Variants in CFAP65 observed in about 807,000 individuals in gnomAD.
CFAP65 encodes cilia and flagella associated protein 65.
A neutral mutation model predicts 208.0 loss-of-function variants in CFAP65; 155 were observed. The observed-to-expected ratio is 0.75, with a 90% CI of 0.65 to 0.85. The LOEUF (loss-of-function observed/expected upper bound fraction) is 0.85. Ranked by LOEUF, CFAP65 falls within the 40% of genes least tolerant of loss-of-function variation. The probability of loss-of-function intolerance (pLI) is 0.00; values close to 1 mark genes in which losing one functional copy is unlikely to be tolerated. For synonymous variants in CFAP65, 970 were observed against 986.3 expected (o/e 0.98, Z 0.31); for missense variants, 2,294 against 2,451.3 (o/e 0.94, Z 1.36).
Position 219,032,573 on chromosome 2 carries a change from C to T in CFAP65, c.543-1G>A, listed in dbSNP as rs1310062391. 6.3e-7 allele frequency: 1 copy of T among 1,592,886 alleles called. No individual in the cohort carries two copies. Among genetic ancestry groups the T allele is most frequent in the South Asian group, 1.1e-5 (1 of 87,436 alleles). On this transcript the variant is annotated splice_acceptor_variant, in intron 5 of 34. Transcript: ENST00000341552. LOFTEE classifies it high-confidence loss of function. This position sits in a 1 kb window ranked among gnomAD's most constrained non-coding sequence, Gnocchi z 5.5. ...GAAGAAGAACTTGGTCTTGGGGGGCCTGCAGGAGAGAGCCGGTGGGGAGCA... is the reference window on the plus strand; with the variant it reads ...GAAGAAGAACTTGGTCTTGGGGGGCTTGCAGGAGAGAGCCGGTGGGGAGCA...
Position 219,041,470 on chromosome 2 carries a change from C to CTAA in CFAP65, c.-49+15_-49+17dup, listed in dbSNP as rs1336438429. On this transcript the variant is annotated intron_variant, in intron 1 of 34. Transcript: ENST00000341552. The stretch of plus-strand genomic sequence containing the variant: ...TCCCTGAGACCCTGGGACCTTGGGA[C>CTAA]TAACGCTCAGAACTTACATCGCCTC... 4 of 1,550,438 alleles carry CTAA rather than the reference C, an allele frequency of 2.6e-6. No individual in the cohort carries two copies. The highest frequency in any genetic ancestry group is 3.5e-6 in the Non-Finnish European group (4 of 1,146,986).
Position 219,027,964 on chromosome 2 carries a change from TG to T in CFAP65, c.1896del (p.Met633Ter). 15 of 1,515,696 alleles carry T rather than the reference TG, an allele frequency of 9.9e-6. No individual in the cohort carries two copies. The highest frequency in any genetic ancestry group is 2.3e-5 in the East Asian group (1 of 43,784). The allele number at this position is 1,515,696 out of a possible 1,614,324, so 93.9% of individuals were successfully genotyped here. A position where few individuals can be genotyped will look rare whatever the true frequency, so the allele number is the denominator to read the frequency against. On this transcript the variant is annotated frameshift_variant, in exon 13 of 35. Transcript: ENST00000341552. LOFTEE classifies it high-confidence loss of function. ...GTGCCGTCGAAGAAGAACTCGGTCA[TG>T]GGGGGGATATAAGGGTACTGCGGGG... ...MPAPQYPYIP[P>X]MTEFFFDGTS...
chr2:219,005,613 G>T, intron 31 of CFAP65, 51 bp from the exon 32 acceptor site: 1 of 1,603,740 alleles, frequency 6.2e-7, no homozygotes, highest in Non-Finnish European at 8.5e-7. Flanking sequence ...CCATGCTGGG[G>T]TTGGGGGCAC....
At position 219,028,411 on chromosome 2, in the gene CFAP65, TTGTC is replaced by T. The variant is rs762047671; in HGVS notation, c.1651-14_1651-11del. 2.5e-6 allele frequency: 4 copies of T among 1,611,778 alleles called. No individual in the cohort carries two copies. The highest frequency in any genetic ancestry group is 2.7e-5 in the African/African-American group (2 of 74,612). ...CCAGGAACAGTGGGTCCTGTGACAT[TTGTC>T]TGTGTGTGGTGGGGCATGGGAGGGG... is the stretch of plus-strand genomic sequence containing the variant. On this transcript the variant is annotated splice_polypyrimidine_tract_variant and intron_variant, in intron 11 of 34. Transcript: ENST00000341552.
At chr2:219,040,012 T>TTTTTTTTATTTATTTA (rs1223046438) in intron 2 of CFAP65, among the ~76,000 whole-genome samples, 3 of 148,968 alleles carry the variant, frequency 2.0e-5, no homozygotes, top group African/African-American at 7.4e-5. Context: ...CTTAGAGGGA[T>TTTTTTTTATTTATTTA]TTTATTTATT....
At chr2:219,014,141 A>T in intron 21 of CFAP65, 97 bp from the exon 22 acceptor site, 1 of 1,100,828 alleles carries the variant, frequency 9.1e-7, no homozygotes, top group Non-Finnish European at 1.3e-6. Flanking sequence ...GGCTTCTTCC[A>T]TGACTCCCGC....
intron 29 of CFAP65, among the ~76,000 whole-genome samples, chr2:219,007,922 G>A (rs1163139181): frequency 1.3e-5 from 2 of 151,674 alleles, no homozygotes; most frequent in Non-Finnish European, 2.9e-5. Context: ...GGGTTCAAGC[G>A]ATTCTCATGC....
intron 21 of CFAP65, among the ~76,000 whole-genome samples, chr2:219,017,748 C>G (rs1947002898): frequency 6.6e-6 from 1 of 152,214 alleles, no homozygotes. Context: ...TGCCAGGACA[C>G]AGGCCAACAC....
Position 219,026,163 on chromosome 2 carries a change from C to A in CFAP65, c.2212-4G>T. 1 of 1,609,256 alleles carries A rather than the reference C, an allele frequency of 6.2e-7. No individual in the cohort carries two copies. The highest frequency in any genetic ancestry group is 1.1e-5 in the South Asian group (1 of 90,934). Reference sequence around the variant, plus strand: ...TATTACTGTAGCTCTGCAGGACCTGCAGAGGGGCCAGACCCACGGAAAAGC... The same window carrying A: ...TATTACTGTAGCTCTGCAGGACCTGAAGAGGGGCCAGACCCACGGAAAAGC... On this transcript the variant is annotated splice_region_variant and splice_polypyrimidine_tract_variant and intron_variant, in intron 13 of 34. Transcript: ENST00000341552.
Position 219,021,164 on chromosome 2 carries a change from G to A in CFAP65, c.3247C>T (p.Leu1083Phe), listed in dbSNP as rs1258262207. The change falls in exon 19 of 35, where the codon CTT becomes TTT. Residue 1083 changes from leucine (L) to phenylalanine (F), a missense_variant. Coordinates refer to ENST00000341552, the MANE Select transcript of CFAP65 (RefSeq NM_194302.4). The stretch of plus-strand genomic sequence containing the variant: ...GCAGTCTAGGTACCTCTGTGGGAAA[G>A]GAGAGAGTAGGTGATGGTCCAGGAG... ...QYSWTITYSL[L>F]SHRDNKAGEK... 1.3e-6 allele frequency: 2 copies of A among 1,573,170 alleles called. No individual in the cohort carries two copies. The highest frequency in any genetic ancestry group is 1.7e-6 in the Non-Finnish European group (2 of 1,158,672).
At chr2:219,006,330 C>T (rs558559491) in intron 30 of CFAP65, 107 bp from the exon 31 acceptor site, 18 of 1,461,054 alleles carry the variant, frequency 1.2e-5, no homozygotes, top group African/African-American at 8.4e-5. Context: ...GCCACATAAG[C>T]GTGTGACCCC....
intron 5 of CFAP65, chr2:219,035,054 AT>A: frequency 3.0e-6 from 1 of 333,092 alleles, no homozygotes; most frequent in South Asian, 4.7e-5. Flanking sequence ...AGGTGGTGGA[AT>A]AGAAGGTTCC....
chr2:219,025,907 G>A (rs1329945680), intron 14 of CFAP65, 115 bp downstream of exon 14: 6 of 1,322,266 alleles, frequency 4.5e-6, no homozygotes. Context: ...GACAGCCAGG[G>A]AGGGTGCAAA....
intron 5 of CFAP65, chr2:219,035,165 C>T (rs1948278325): frequency 3.1e-6 from 2 of 641,514 alleles, no homozygotes; most frequent in Non-Finnish European, 5.0e-6. Context: ...ACCTGGTATT[C>T]CCCAGAAAAA....
At position 219,003,817 on chromosome 2, in the gene CFAP65, C is replaced by T; in HGVS notation, c.5555+135G>A. 1 of 1,080,136 alleles carries T rather than the reference C, an allele frequency of 9.3e-7. No individual in the cohort carries two copies. The allele number at this position is 1,080,136 out of a possible 1,614,324, so 66.9% of individuals were successfully genotyped here. A position where few individuals can be genotyped will look rare whatever the true frequency, so the allele number is the denominator to read the frequency against. ...TACTCCCACAGAGGCCTTAAGCTAC[C>T]AACATGACCTCACTAAGCACTGAAT... On this transcript the variant is annotated intron_variant, in intron 33 of 34. Coordinates refer to ENST00000341552, the MANE Select transcript of CFAP65 (RefSeq NM_194302.4). This position sits in a 1 kb window ranked among gnomAD's most constrained non-coding sequence, Gnocchi z 4.4.
At chr2:219,021,095 C>T (rs528993938) in intron 19 of CFAP65, 57 bp downstream of exon 19, 12 of 1,462,002 alleles carry the variant, frequency 8.2e-6, no homozygotes, top group Middle Eastern at 1.8e-4. Context: ...ACACAGCCCT[C>T]CCCCTTCATC....
At position 219,004,843 on chromosome 2, in the gene CFAP65, C is replaced by T. The variant is rs932739195; in HGVS notation, c.5052-388G>A. 7.6e-4 allele frequency among the ~76,000 whole-genome samples: 115 copies of T among 151,306 alleles called. 1 individual carries two copies. Among genetic ancestry groups the T allele is most frequent in the African/African-American group, 2.7e-3 (110 of 41,086 alleles). On this transcript the variant is annotated intron_variant, in intron 32 of 34. Transcript: ENST00000341552. This position sits in a 1 kb window ranked among gnomAD's most constrained non-coding sequence, Gnocchi z 4.7. ...GGGTGGGGGGGCCGGGGGGGGGGAC[C>T]GTGGTGGGATCTTGCAAAGAAGTTC...
chr2:219,038,887 G>A lies in CFAP65; in HGVS notation c.153+9C>T, dbSNP rs1264320844. Reference sequence around the variant, plus strand: ...GCTCCAGTGGGTGTTACTGAAGTGTGTGCATTACCTTTATCTGGCTTTTAC... The same window carrying A: ...GCTCCAGTGGGTGTTACTGAAGTGTATGCATTACCTTTATCTGGCTTTTAC... On this transcript the variant is annotated intron_variant, in intron 3 of 34. Coordinates refer to ENST00000341552, the MANE Select transcript of CFAP65 (RefSeq NM_194302.4). 1 of 1,602,432 alleles carries A rather than the reference G, an allele frequency of 6.2e-7. No homozygotes were observed. The highest frequency in any genetic ancestry group is 8.5e-7 in the Non-Finnish European group (1 of 1,173,900).
chr2:219,019,232 C>T, intron 20 of CFAP65, 53 bp from the exon 21 acceptor site: 1 of 1,552,122 alleles, frequency 6.4e-7, no homozygotes, highest in African/African-American at 1.4e-5. Flanking sequence ...CAGGGCAGGG[C>T]CCTCCCAGGG....
Sources: gnomAD v4.1 joint callset for allele counts (sites outside exome capture counted in the v4.1 genomes callset) on GRCh38, gnomAD v4.1.1 for gene constraint, Gnocchi (gnomAD v3.1) non-coding constraint, MANE v1.5 for transcripts, NCBI Gene and HGNC (gene_info 2026-07-23, HGNC 2026-07-21) for gene names.